Variants in ATRNL1 observed in about 807,000 individuals in gnomAD.
The protein encoded by ATRNL1 is attractin-like protein 1.
A neutral mutation model predicts 182.7 loss-of-function variants in ATRNL1; 95 were observed. The observed-to-expected ratio is 0.52, with a 90% confidence interval of 0.44 to 0.62. The LOEUF (loss-of-function observed/expected upper bound fraction) is 0.62. Ranked by LOEUF, ATRNL1 falls within the 20% of genes least tolerant of loss-of-function variation. ATRNL1 has a pLI of 0.00. For missense variants in ATRNL1, 1,471 were observed against 1,679.5 expected, an observed-to-expected ratio of 0.88 and a Z score of 2.17; for synonymous variants, 576 against 568.3, an observed-to-expected ratio of 1.01 and a Z score of -0.19.
intron 5 of ATRNL1, among the ~76,000 whole-genome samples, chr10:115,135,919 G>C (rs1227078624): frequency 1.1e-5 from 1 of 91,114 alleles, no homozygotes; most frequent in African/African-American, 3.8e-5. Context: ...GAGTGCAGTG[G>C]CATGATCGCA....
At chr10:115,515,922 C>T (rs1452535877) in intron 24 of ATRNL1, among the ~76,000 whole-genome samples, 1 of 151,792 alleles carries the variant, frequency 6.6e-6, no homozygotes, top group African/African-American at 2.4e-5. Flanking sequence ...TCCTGGTTTC[C>T]TCCCACCTAC....
At chr10:115,385,857 A>G (rs1038121675) in intron 19 of ATRNL1, among the ~76,000 whole-genome samples, 3 of 152,112 alleles carry the variant, frequency 2.0e-5, no homozygotes, top group African/African-American at 4.8e-5. Context: ...TTTGTTGAAA[A>G]CTAAATTGAT....
intron 1 of ATRNL1, among the ~76,000 whole-genome samples, chr10:115,116,320 T>C (rs1844483016): frequency 6.6e-6 from 1 of 152,070 alleles, no homozygotes; most frequent in South Asian, 2.1e-4. Context: ...GTATTAGAAA[T>C]AATATTAGAA....
rs1433678313 is a variant in ATRNL1, at chr10:115,147,116, T to G, written c.830-12924T>G. On this transcript the variant is annotated intron_variant, in intron 5 of 28. Transcript: ENST00000355044. ...ACACTGTATTAAGAGTTCCCTTTTC[T>G]GTGTATCCTTGCCAGCATCTGTTAT... Among the ~76,000 whole-genome samples the G allele has an allele frequency of 3.3e-5, 5 of 152,172 alleles. No individual in the cohort carries two copies. In the East Asian group the frequency reaches 9.6e-4, roughly 29 times the overall value.
intron 19 of ATRNL1, among the ~76,000 whole-genome samples, chr10:115,334,886 C>A (rs572578572): frequency 6.6e-6 from 1 of 152,156 alleles, no homozygotes; most frequent in East Asian, 1.9e-4. Flanking sequence ...GCTGAAATCC[C>A]AACTCTGTCA....
chr10:115,887,514 C>G (rs1951976064), intron 28 of ATRNL1, among the ~76,000 whole-genome samples: 3 of 152,134 alleles, frequency 2.0e-5, no homozygotes, highest in African/African-American at 4.8e-5. Flanking sequence ...CTGGTCCATT[C>G]ATGAGGGCTC....
chr10:115,187,670 G>GTTTT (rs557762991), intron 8 of ATRNL1, among the ~76,000 whole-genome samples: 44 of 111,832 alleles, frequency 3.9e-4, no homozygotes, highest in East Asian at 7.5e-4. Flanking sequence ...AGGGTGCTTG[G>GTTTT]TTTTTTTTTT....
intron 27 of ATRNL1, among the ~76,000 whole-genome samples, chr10:115,743,787 AAAATTGTATGTGTAT>A (rs1555068426): frequency 0.049 from 27 of 546 alleles, no homozygotes; most frequent in East Asian, 0.46. Flanking sequence ...GTATTTTATT[AAAATTGTATGTGTAT>A]TAAAATACAC....
chr10:115,155,668 T>A (rs1846478272), intron 5 of ATRNL1, among the ~76,000 whole-genome samples: 2 of 152,180 alleles, frequency 1.3e-5, no homozygotes, highest in Non-Finnish European at 2.9e-5. Flanking sequence ...GGCTAATCAT[T>A]AGTAATTGTT....
At position 115,215,827 on chromosome 10, in the gene ATRNL1, C is replaced by T; in HGVS notation, c.1479C>T (p.Asn493=). The change falls in exon 9 of 29, where the codon AAC becomes AAT. Residue 493 remains asparagine, a synonymous_variant. Transcript: ENST00000355044. ...GAGGGTATAAAGCATTGCCAGGGAACAAATATGGATTGGTTGATGATCTTT... is the reference window on the plus strand; with the variant it reads ...GAGGGTATAAAGCATTGCCAGGGAATAAATATGGATTGGTTGATGATCTTT... ...VHGGYKALPG[N]KYGLVDDLYK... 6.3e-7 allele frequency: 1 copy of T among 1,599,134 alleles called. No individual in the cohort carries two copies. Among genetic ancestry groups the T allele is most frequent in the Non-Finnish European group, 8.5e-7 (1 of 1,174,616 alleles).
At chr10:115,647,317 T>C (rs1396081359) in intron 26 of ATRNL1, among the ~76,000 whole-genome samples, 8 of 152,170 alleles carry the variant, frequency 5.3e-5, no homozygotes, top group African/African-American at 1.9e-4. Flanking sequence ...ATATACCCAG[T>C]AATGGGATGG....
At chr10:115,456,991 A>T (rs1847555432) in intron 21 of ATRNL1, among the ~76,000 whole-genome samples, 1 of 152,092 alleles carries the variant, frequency 6.6e-6, no homozygotes, top group Non-Finnish European at 1.5e-5. Context: ...AAGTGGAATG[A>T]AGTGTTACAG....
intron 14 of ATRNL1, among the ~76,000 whole-genome samples, chr10:115,284,697 A>G (rs1433501235): frequency 1.3e-5 from 2 of 152,170 alleles, no homozygotes; most frequent in African/African-American, 2.4e-5. Flanking sequence ...TTATGGGTTT[A>G]CCATGGAGTT....
chr10:115,812,540 G>A (rs1393659164), intron 27 of ATRNL1, among the ~76,000 whole-genome samples: 6 of 152,052 alleles, frequency 3.9e-5, no homozygotes, highest in Admixed American at 1.3e-4. Flanking sequence ...GCAATGGCAC[G>A]ATCTCGGCTC....
chr10:115,277,633 A>ATT (rs76641093), intron 13 of ATRNL1, among the ~76,000 whole-genome samples: 9 of 151,128 alleles, frequency 6.0e-5, no homozygotes, highest in South Asian at 2.1e-4. Flanking sequence ...AAATCTTTGT[A>ATT]TTTTTTTTTC....
chr10:115,517,369 ATCT>A (rs1850691389), intron 24 of ATRNL1, among the ~76,000 whole-genome samples: 1 of 151,804 alleles, frequency 6.6e-6, no homozygotes, highest in Non-Finnish European at 1.5e-5. Flanking sequence ...TGCCTATTAT[ATCT>A]TCTTACAGTA....
rs56692263 is a variant in ATRNL1 at position 115,515,318 on chromosome 10, CTT to C, written c.3655-3929_3655-3928del. ...ACTTACTTTTGTTAGAATAGTTGTT[CTT>C]TTTTTTTTTTTTTTTGGCTTTTCAA... On this transcript the variant is annotated intron_variant, in intron 24 of 28. Transcript: ENST00000355044. Among the ~76,000 whole-genome samples, 270 of 120,180 alleles carry C rather than the reference CTT, an allele frequency of 2.2e-3. 3 individuals are homozygous for C. Among genetic ancestry groups the C allele is most frequent in the African/African-American group, 8.0e-3 (251 of 31,208 alleles). 78.8% of individuals were successfully genotyped at this position (120,180 alleles called of 152,430 possible).
chr10:115,795,306 G>T (rs979315787), intron 27 of ATRNL1, among the ~76,000 whole-genome samples: 1 of 152,064 alleles, frequency 6.6e-6, no homozygotes, highest in Admixed American at 6.5e-5. Flanking sequence ...CTAAAATTCT[G>T]ATCCAGAATC....
intron 19 of ATRNL1, among the ~76,000 whole-genome samples, chr10:115,388,106 C>T (rs1367759728): frequency 1.3e-5 from 2 of 152,162 alleles, no homozygotes; most frequent in Admixed American, 6.5e-5. Context: ...AGGCATAAGC[C>T]TGGAATCTAT....
Sources: gnomAD v4.1 joint callset for allele counts (sites outside exome capture counted in the v4.1 genomes callset) on GRCh38, gnomAD v4.1.1 for gene constraint, MANE v1.5 for transcripts, NCBI Gene and HGNC (gene_info 2026-07-23, HGNC 2026-07-21) for gene names.